The following KCNQ5 variants were observed in gnomAD, a reference collection of about 807,000 sequenced individuals.
KCNQ5 encodes potassium voltage-gated channel subfamily KQT member 5.
In KCNQ5, 30 loss-of-function variants were observed where a neutral mutation model predicts 98.2. That is an observed-to-expected ratio of 0.31 (90% CI 0.23 to 0.41). The LOEUF is 0.41. KCNQ5 is among the 10% of genes least tolerant of loss of function. KCNQ5 has a pLI of 1.00. For synonymous variants in KCNQ5, 458 were observed against 449.4 expected (o/e 1.02, Z -0.24); for missense variants, 835 against 1,182.5 (o/e 0.71, Z 4.31).
At chr6:73,178,972 C>T (rs1169195995) in intron 11 of KCNQ5, among the ~76,000 whole-genome samples, 2 of 152,140 alleles carry the variant, frequency 1.3e-5, no homozygotes, top group African/African-American at 4.8e-5. Context: ...GGATTTGTCC[C>T]GTGATCAATT....
chr6:72,876,967 G>T (rs568927551), intron 1 of KCNQ5, among the ~76,000 whole-genome samples: 3 of 152,208 alleles, frequency 2.0e-5, no homozygotes, highest in Non-Finnish European at 4.4e-5. Flanking sequence ...ATCTGCTGCG[G>T]TGTCAAGTAG....
chr6:73,077,762 G>T lies in KCNQ5; in HGVS notation c.793G>T (p.Glu265Ter). Residue 265 changes from glutamate (E) to a stop codon, truncating the protein, a stop_gained and splice_region_variant, in exon 5 of 14, where the codon GAA (glutamate) becomes TAA (stop). Transcript: ENST00000370398. LOFTEE classifies it high-confidence loss of function. ...AATCTTTCATTCCTTTTATATCTAG[G>T]AATTAATCACAGCTTGGTACATAGG... Reference protein sequence around the residue: ...LGSVVYAHSKELITAWYIGFL... With the variant: ...LGSVVYAHSK The T allele has an allele frequency of 6.2e-7, 1 of 1,604,084 alleles. No individual in the cohort carries two copies. The highest frequency in any genetic ancestry group is 1.1e-5 in the South Asian group (1 of 88,744).
At chr6:72,833,619 A>G (rs1351928352) in intron 1 of KCNQ5, among the ~76,000 whole-genome samples, 1 of 152,174 alleles carries the variant, frequency 6.6e-6, no homozygotes, top group Non-Finnish European at 1.5e-5. Context: ...TTTAACATTA[A>G]TTAACTTTAT....
chr6:72,778,504 A>C (rs549404358), intron 1 of KCNQ5, among the ~76,000 whole-genome samples: 1 of 151,498 alleles, frequency 6.6e-6, no homozygotes, highest in Non-Finnish European at 1.5e-5. Flanking sequence ...ACGCCACTGC[A>C]CTCCAGCCTG....
At chr6:72,807,738 T>A (rs1275983772) in intron 1 of KCNQ5, among the ~76,000 whole-genome samples, 1 of 152,128 alleles carries the variant, frequency 6.6e-6, no homozygotes, top group East Asian at 1.9e-4. Context: ...GATCTTAAAC[T>A]CCTGACCTCA....
At chr6:72,936,798 C>T (rs537972898) in intron 1 of KCNQ5, among the ~76,000 whole-genome samples, 12 of 152,312 alleles carry the variant, frequency 7.9e-5, no homozygotes, top group Admixed American at 1.3e-4. Flanking sequence ...CCGTCTTCCA[C>T]ATGTAATTCA....
intron 1 of KCNQ5, among the ~76,000 whole-genome samples, chr6:72,844,747 A>T (rs1436956161): frequency 1.3e-5 from 2 of 152,208 alleles, no homozygotes; most frequent in African/African-American, 4.8e-5. Context: ...TATAGGAATG[A>T]CATCCCTAAC....
intron 1 of KCNQ5, among the ~76,000 whole-genome samples, chr6:72,646,754 G>A (rs1046637384): frequency 6.6e-6 from 1 of 152,196 alleles, no homozygotes; most frequent in Non-Finnish European, 1.5e-5. Context: ...CTGCCCAAGG[G>A]CAAGTGCACA....
At chr6:73,179,003 G>A (rs951886596) in intron 11 of KCNQ5, among the ~76,000 whole-genome samples, 3 of 152,110 alleles carry the variant, frequency 2.0e-5, no homozygotes, top group Admixed American at 1.3e-4. Flanking sequence ...GCTGCCTCAG[G>A]GGAAATTCTG....
At chr6:73,150,704 C>A (rs1192652337) in intron 10 of KCNQ5, among the ~76,000 whole-genome samples, 1 of 151,342 alleles carries the variant, frequency 6.6e-6, no homozygotes. Flanking sequence ...TTGATACACA[C>A]AACAATGCAG....
chr6:72,942,286 C>A (rs1004136828), intron 1 of KCNQ5, among the ~76,000 whole-genome samples: 1 of 152,096 alleles, frequency 6.6e-6, no homozygotes, highest in African/African-American at 2.4e-5. Flanking sequence ...TATTCACTGA[C>A]CTGTAGTATC....
intron 10 of KCNQ5, among the ~76,000 whole-genome samples, chr6:73,145,864 TACAGTC>T (rs1776899406): frequency 6.6e-6 from 1 of 152,124 alleles, no homozygotes; most frequent in African/African-American, 2.4e-5. Context: ...TCAAGAAACT[TACAGTC>T]ATGTCAGAAG....
intron 1 of KCNQ5, among the ~76,000 whole-genome samples, chr6:72,661,947 C>G (rs1766550302): frequency 6.6e-6 from 1 of 152,094 alleles, no homozygotes; most frequent in Admixed American, 6.6e-5. Flanking sequence ...AATAGAGTGT[C>G]ACATTCAAAA....
At chr6:72,975,809 C>T (rs1407770939) in intron 1 of KCNQ5, among the ~76,000 whole-genome samples, 1 of 152,192 alleles carries the variant, frequency 6.6e-6, no homozygotes, top group Non-Finnish European at 1.5e-5. Context: ...TAACCTGGCT[C>T]AGTTTGGTTG....
intron 1 of KCNQ5, among the ~76,000 whole-genome samples, chr6:72,654,189 A>ATAG (rs949405026): frequency 1.3e-5 from 2 of 151,942 alleles, no homozygotes; most frequent in African/African-American, 4.8e-5. Flanking sequence ...CAGAATTGGA[A>ATAG]TAGAAGGAAA....
intron 1 of KCNQ5, among the ~76,000 whole-genome samples, chr6:72,727,528 T>C (rs1471808153): frequency 6.7e-6 from 1 of 149,802 alleles, no homozygotes; most frequent in Non-Finnish European, 1.5e-5. Context: ...TTCTGGATTT[T>C]TTTTTTCACT....
chr6:73,180,280 A>G (rs1035917711), intron 11 of KCNQ5, among the ~76,000 whole-genome samples: 1 of 152,230 alleles, frequency 6.6e-6, no homozygotes, highest in African/African-American at 2.4e-5. Flanking sequence ...CACAATACTC[A>G]GCACAACGTC....
chr6:72,869,901 G>C (rs1469083101), intron 1 of KCNQ5, among the ~76,000 whole-genome samples: 2 of 152,134 alleles, frequency 1.3e-5, no homozygotes, highest in Non-Finnish European at 2.9e-5. Context: ...GATAATTTTT[G>C]TGCAAAGAAC....
chr6:72,893,561 T>G lies in KCNQ5; in HGVS notation c.399-110347T>G, dbSNP rs546133766. Among the ~76,000 whole-genome samples, 3 of 152,298 alleles carry G rather than the reference T, an allele frequency of 2.0e-5. No individual in the cohort carries two copies. The South Asian group carries it at 6.2e-4, about 32-fold the overall frequency. ...GCACCATGTTAAAATCTGGTTAAAC[T>G]AAATATTGTACTGTTTTCTTTCCTT... On this transcript the variant is annotated intron_variant, in intron 1 of 13. Transcript: ENST00000370398.
Sources: gnomAD v4.1 joint callset for allele counts (sites outside exome capture counted in the v4.1 genomes callset) on GRCh38, gnomAD v4.1.1 for gene constraint, MANE v1.5 for transcripts, NCBI Gene and HGNC (gene_info 2026-07-23, HGNC 2026-07-21) for gene names.